PRDM16: variants seen among roughly 807,000 people sequenced by gnomAD.
PRDM16 encodes the protein PR/SET domain 16.
A neutral mutation model predicts 110.6 loss-of-function variants in PRDM16; 23 were observed. The observed-to-expected ratio is 0.21, with a 90% CI of 0.15 to 0.29. The LOEUF (loss-of-function observed/expected upper bound fraction) is 0.29. Among genes scored for constraint, PRDM16 ranks in the 10% least tolerant of loss-of-function variants. The pLI is 1.00. For synonymous variants in PRDM16, 799 were observed against 781.8 expected (o/e 1.02, Z -0.37); for missense variants, 1,615 against 1,794.3 (o/e 0.90, Z 1.81).
chr1:3,427,652 C>T (rs773933944), intron 14 of PRDM16, among the ~76,000 whole-genome samples: 5 of 152,188 alleles, frequency 3.3e-5, no homozygotes, highest in African/African-American at 9.7e-5. Flanking sequence ...GGCAAAGCCA[C>T]GTTCCAAATC....
At chr1:3,348,201 AGTTCTGCAGG>A (rs1642403162) in intron 3 of PRDM16, among the ~76,000 whole-genome samples, 1 of 152,114 alleles carries the variant, frequency 6.6e-6, no homozygotes, top group Non-Finnish European at 1.5e-5. Context: ...GCCCCTGAAC[AGTTCTGCAGG>A]GTTTTGGCTG....
At chr1:3,276,297 C>A (rs560586009) in intron 3 of PRDM16, among the ~76,000 whole-genome samples, 52 of 152,360 alleles carry the variant, frequency 3.4e-4, no homozygotes, top group African/African-American at 1.2e-3. Flanking sequence ...CCATTGGGCC[C>A]GCGGTGGGAG....
At chr1:3,096,958 T>C (rs12130877) in intron 1 of PRDM16, among the ~76,000 whole-genome samples, 10,464 of 152,276 alleles carry the variant, frequency 0.069, 386 homozygotes, top group Non-Finnish European at 0.072. Context: ...CTGCTCTCTG[T>C]GCCCCTTCTC....
chr1:3,211,484 G>A (rs1638881049), intron 2 of PRDM16, among the ~76,000 whole-genome samples: 1 of 152,228 alleles, frequency 6.6e-6, no homozygotes, highest in Non-Finnish European at 1.5e-5. Context: ...AAAGACTCAA[G>A]GCAGAGTCTC....
In PRDM16 at chr1:3,404,747, A is replaced by G. The variant is rs1643531047; in HGVS notation, c.893A>G (p.Gln298Arg). ...CCTCGTCCTCTGCGCAGCCTGGAGC[A>G]GCACATGGTCATCCACACGGAGGAG... The part of the protein sequence containing the change: ...RMFPNKYSLE[Q>R]HMVIHTEERE... The change falls in exon 7 of 17, where the codon CAG becomes CGG. Residue 298 changes from glutamine (Q) to arginine (R), a missense_variant. Physicochemically the swap from Gln to Arg is conservative, Grantham distance 43 (BLOSUM62 1). This residue lies in a region of PRDM16 where 416 missense variants were observed against 467.1 expected (regional missense o/e 0.89). Coordinates refer to ENST00000270722, the MANE Select transcript of PRDM16 (RefSeq NM_022114.4). The G allele has an allele frequency of 6.2e-7, 1 of 1,613,392 alleles. No individual in the cohort carries two copies. The highest frequency in any genetic ancestry group is 1.3e-5 in the African/African-American group (1 of 75,062).
In PRDM16 at chr1:3,411,872, G is replaced by A. The variant is rs1444958560; in HGVS notation, c.1675G>A (p.Val559Ile). ...SPLGNPALPL[V>I]SAVSNSSQGT... ...CCTGGGGAACCCAGCCCTGCCCCTG[G>A]TCTCCGCCGTCAGCAACAGCAGCCA... is the stretch of plus-strand genomic sequence containing the variant. Residue 559 changes from valine (V) to isoleucine (I), a missense_variant, in exon 9 of 17, where the codon GTC becomes ATC. Around this residue, in one of 5 missense-constraint regions of PRDM16, gnomAD observed 772 missense variants for 748.3 expected, o/e 1.03. Transcript: ENST00000270722. 3 of 1,612,428 alleles carry A rather than the reference G, an allele frequency of 1.9e-6. No individual in the cohort carries two copies. The highest frequency in any genetic ancestry group is 1.7e-6 in the Non-Finnish European group (2 of 1,179,194).
chr1:3,437,816 A>G lies in PRDM16; in HGVS notation c.*4005A>G. The G allele has an allele frequency of 4.6e-6, 1 of 218,186 alleles. No individual in the cohort carries two copies. The highest frequency in any genetic ancestry group is 9.2e-6 in the Non-Finnish European group (1 of 108,520). 13.5% of individuals were successfully genotyped at this position (218,186 alleles called of 1,614,324 possible). On this transcript the variant is annotated 3_prime_UTR_variant, in exon 17 of 17. Transcript: ENST00000270722. ...CCAAACGTGTGATTCACTTGTGAAC[A>G]AAAGTCATTCTAACAATTGCCTTCA...
At chr1:3,127,759 G>A (rs1643240336) in intron 1 of PRDM16, among the ~76,000 whole-genome samples, 3 of 152,262 alleles carry the variant, frequency 2.0e-5, no homozygotes, top group African/African-American at 4.8e-5. Context: ...TTTGCCTAGG[G>A]TGAGTGTGAA....
In PRDM16 at chr1:3,382,741, G is replaced by A. The variant is rs762041945; in HGVS notation, c.439-2411G>A. On this transcript the variant is annotated intron_variant, in intron 3 of 16. Coordinates refer to ENST00000270722, the MANE Select transcript of PRDM16 (RefSeq NM_022114.4). The surrounding 1 kb of genome is among the most constrained non-coding windows in gnomAD (Gnocchi z 6.6). Reference sequence around the variant, plus strand: ...GCACCAATGGGGTGCTGTGACCCAGGTGCTCCAGCTTTGAAGACAAAAATC... The same window carrying A: ...GCACCAATGGGGTGCTGTGACCCAGATGCTCCAGCTTTGAAGACAAAAATC... Among the ~76,000 whole-genome samples the A allele has an allele frequency of 6.6e-6, 1 of 152,196 alleles. No homozygotes were observed. The highest frequency in any genetic ancestry group is 1.5e-5 in the Non-Finnish European group (1 of 68,024).
At chr1:3,078,675 C>T (rs1267387802) in intron 1 of PRDM16, among the ~76,000 whole-genome samples, 2 of 152,250 alleles carry the variant, frequency 1.3e-5, no homozygotes, top group East Asian at 3.8e-4. Flanking sequence ...GTACCTGTGG[C>T]AGGCAGGACA....
At chr1:3,070,048 G>A (rs907803108) in intron 1 of PRDM16, among the ~76,000 whole-genome samples, 13 of 152,068 alleles carry the variant, frequency 8.5e-5, no homozygotes, top group African/African-American at 3.1e-4. Flanking sequence ...TGCGCGGGCC[G>A]CCGGGGCGAC....
chr1:3,096,129 GA>G (rs1217374556), intron 1 of PRDM16, among the ~76,000 whole-genome samples: 5 of 152,126 alleles, frequency 3.3e-5, no homozygotes, highest in Non-Finnish European at 7.4e-5. Context: ...CCCATGCTTA[GA>G]ATGTTCTGGA....
At chr1:3,104,733 C>G (rs113832435) in intron 1 of PRDM16, among the ~76,000 whole-genome samples, 1 of 149,154 alleles carries the variant, frequency 6.7e-6, no homozygotes, top group Non-Finnish European at 1.5e-5. Context: ...GGAGCCCCCA[C>G]CTCCCCACGT....
rs1476212807 is a variant in PRDM16, at chr1:3,437,606, T to C, written c.*3795T>C. 8 of 228,664 alleles carry C rather than the reference T, an allele frequency of 3.5e-5. No homozygotes were observed. Among genetic ancestry groups the C allele is most frequent in the Admixed American group, 1.1e-4 (2 of 17,608 alleles). The allele number at this position is 228,664 out of a possible 1,614,324, so 14.2% of individuals were successfully genotyped here. ...GAGGTCAGCCGGGTATCAAAAGCCA[T>C]GAAACTGTGTCTCTGTAGCAATGAG... On this transcript the variant is annotated 3_prime_UTR_variant, in exon 17 of 17. Coordinates refer to ENST00000270722, the MANE Select transcript of PRDM16 (RefSeq NM_022114.4).
intron 2 of PRDM16, among the ~76,000 whole-genome samples, chr1:3,214,821 T>C (rs1638982589): frequency 6.6e-6 from 1 of 152,108 alleles, no homozygotes; most frequent in Non-Finnish European, 1.5e-5. Context: ...GGGGAGATGG[T>C]TACAATGAGC....
At chr1:3,160,291 G>A (rs991538608) in intron 1 of PRDM16, among the ~76,000 whole-genome samples, 1 of 152,208 alleles carries the variant, frequency 6.6e-6, no homozygotes, top group African/African-American at 2.4e-5. Flanking sequence ...GCTGGTGTGG[G>A]ATCATTTGCG....
intron 2 of PRDM16, among the ~76,000 whole-genome samples, chr1:3,223,103 CTTTTTTTTTTTTTT>C (rs1172383270): frequency 2.7e-5 from 2 of 73,996 alleles, no homozygotes; most frequent in Non-Finnish European, 4.6e-5. Context: ...AAAATCAAGG[CTTTTTTTTTTTTTT>C]TTTTTTTTTT....
chr1:3,200,630 C>G (rs538038262), intron 2 of PRDM16, among the ~76,000 whole-genome samples: 84 of 152,378 alleles, frequency 5.5e-4, no homozygotes, highest in African/African-American at 2.0e-3. Flanking sequence ...GCGTGAGCCA[C>G]CGCGCCCAGC....
intron 1 of PRDM16, among the ~76,000 whole-genome samples, chr1:3,131,835 C>T (rs1375116585): frequency 6.6e-6 from 1 of 152,192 alleles, no homozygotes; most frequent in Non-Finnish European, 1.5e-5. Flanking sequence ...AGGCAGCTCT[C>T]CTGGGACCCG....
Sources: gnomAD v4.1 joint callset for allele counts (sites outside exome capture counted in the v4.1 genomes callset) on GRCh38, gnomAD v4.1.1 for gene constraint, gnomAD v4.1.1 regional missense constraint, Gnocchi (gnomAD v3.1) non-coding constraint, MANE v1.5 for transcripts, NCBI Gene and HGNC (gene_info 2026-07-23, HGNC 2026-07-21) for gene names.